The following USP48 variants were observed in gnomAD, a reference collection of about 807,000 sequenced individuals.
USP48 encodes the protein ubiquitin carboxyl-terminal hydrolase 48.
Under a neutral mutation model 150.7 loss-of-function variants are expected in USP48, and 43 were observed. That is an observed-to-expected ratio of 0.29 (90% confidence interval 0.22 to 0.37). The LOEUF is 0.37. USP48 is among the 10% of genes least tolerant of loss of function. The pLI is 1.00. For synonymous variants in USP48, 396 were observed against 425.9 expected (o/e 0.93, Z 0.86); for missense variants, 813 against 1,249.6 (o/e 0.65, Z 5.27).
chr1:21,709,674 C>T (rs1057431597), intron 15 of USP48, among the ~76,000 whole-genome samples: 2 of 151,996 alleles, frequency 1.3e-5, no homozygotes, highest in African/African-American at 4.8e-5. Flanking sequence ...ACAAACTTTA[C>T]TATTAAATGA....
chr1:21,721,171 GGAAC>G lies in USP48; in HGVS notation c.1764-9_1764-6del, dbSNP rs1461275024. 19 of 1,613,754 alleles carry G rather than the reference GGAAC, an allele frequency of 1.2e-5. No homozygotes were observed. Among genetic ancestry groups the G allele is most frequent in the Admixed American group, 5.0e-5 (3 of 59,960 alleles). On this transcript the variant is annotated splice_region_variant and splice_polypyrimidine_tract_variant and intron_variant, in intron 13 of 26. Transcript: ENST00000308271. Reference sequence around the variant, plus strand: ...CCCACCCAAAATCCATCGCTGCTGTGGAACAGAGAGAATGTTAAATCATATAAGT... The same window carrying G: ...CCCACCCAAAATCCATCGCTGCTGTGAGAGAGAATGTTAAATCATATAAGT...
chr1:21,768,853 G>A (rs531050370), intron 1 of USP48, among the ~76,000 whole-genome samples: 79 of 152,128 alleles, frequency 5.2e-4, no homozygotes, highest in Non-Finnish European at 6.3e-4. Context: ...AGGCTGTGGT[G>A]CAGCAGTAAA....
chr1:21,760,913 G>C (rs2097848421), intron 1 of USP48, among the ~76,000 whole-genome samples: 1 of 151,858 alleles, frequency 6.6e-6, no homozygotes, highest in Non-Finnish European at 1.5e-5. Flanking sequence ...GACCAACATG[G>C]AGAAACCCTG....
intron 3 of USP48, among the ~76,000 whole-genome samples, chr1:21,753,414 G>A (rs1009972365): frequency 7.2e-5 from 11 of 151,948 alleles, no homozygotes; most frequent in African/African-American, 2.7e-4. Flanking sequence ...TATTAGCCGG[G>A]TGTGGTGGTG....
chr1:21,781,439 C>CAATA (rs1033971618), intron 1 of USP48, among the ~76,000 whole-genome samples: 3 of 151,212 alleles, frequency 2.0e-5, no homozygotes, highest in Admixed American at 6.6e-5. Context: ...AACACCGTCT[C>CAATA]AATAAATAAA....
chr1:21,778,059 C>G (rs561786990), intron 1 of USP48, among the ~76,000 whole-genome samples: 4 of 150,562 alleles, frequency 2.7e-5, no homozygotes, highest in Non-Finnish European at 5.9e-5. Flanking sequence ...AGGAGAATCG[C>G]TTGAACCTGG....
chr1:21,744,903 A>G (rs1221131534), intron 8 of USP48, among the ~76,000 whole-genome samples: 1 of 151,826 alleles, frequency 6.6e-6, no homozygotes, highest in Non-Finnish European at 1.5e-5. Context: ...AGATGTCTGC[A>G]TATCTGCAGT....
chr1:21,699,216 T>C, intron 22 of USP48, among the ~76,000 whole-genome samples: 1 of 89,214 alleles, frequency 1.1e-5, no homozygotes, highest in East Asian at 3.8e-4. Context: ...TTTTTTTTTT[T>C]GAGGCTGAGT....
Position 21,706,535 on chromosome 1 carries a change from C to T in USP48, c.2143G>A (p.Glu715Lys), listed in dbSNP as rs894982176. ...NEALHKMIAN[E>K]QKTSLPNLFQ... Reference sequence around the variant, plus strand: ...AAATTTGGGAGAGAAGTCTTTTGCTCGTTTGCAATCATCTTATGTAAGGCT... The same window carrying T: ...AAATTTGGGAGAGAAGTCTTTTGCTTGTTTGCAATCATCTTATGTAAGGCT... The change falls in exon 17 of 27, where the codon GAG becomes AAG. Residue 715 changes from glutamate (E) to lysine (K), a missense_variant. Transcript: ENST00000308271. 21 of 1,614,044 alleles carry T rather than the reference C, an allele frequency of 1.3e-5. No individual in the cohort carries two copies. Among genetic ancestry groups the T allele is most frequent in the Admixed American group, 1.7e-5 (1 of 60,002 alleles).
rs763326423 is a variant in USP48 at position 21,706,632 on chromosome 1, C to T, written c.2089-43G>A. ...AATCAACTGTCTCCTGCTGACAGCA[C>T]ATGACCTGCCTCCTCCCTACACCCC... is the stretch of plus-strand genomic sequence containing the variant. On this transcript the variant is annotated intron_variant, in intron 16 of 26. Coordinates refer to ENST00000308271, the MANE Select transcript of USP48 (RefSeq NM_032236.8). The T allele has an allele frequency of 5.6e-6, 9 of 1,613,686 alleles. No individual in the cohort carries two copies. In the Admixed American group the frequency reaches 1.5e-4, roughly 27 times the overall value.
intron 1 of USP48, among the ~76,000 whole-genome samples, chr1:21,760,869 C>G (rs1041822839): frequency 6.6e-6 from 1 of 151,806 alleles, no homozygotes; most frequent in Non-Finnish European, 1.5e-5. Flanking sequence ...CTGAGGCAGG[C>G]GATCACCTGA....
intron 12 of USP48, among the ~76,000 whole-genome samples, chr1:21,722,290 G>A: frequency 6.6e-6 from 1 of 151,694 alleles, no homozygotes; most frequent in East Asian, 1.9e-4. Context: ...ATACCACCAA[G>A]AGCTTTGGGA....
intron 6 of USP48, among the ~76,000 whole-genome samples, chr1:21,748,771 C>T (rs888093610): frequency 2.0e-5 from 3 of 152,152 alleles, no homozygotes; most frequent in African/African-American, 7.2e-5. Context: ...ATTAGCCAGG[C>T]ATGGTGGTAC....
intron 1 of USP48, among the ~76,000 whole-genome samples, chr1:21,763,464 G>C (rs946413255): frequency 6.6e-6 from 1 of 152,182 alleles, no homozygotes; most frequent in Non-Finnish European, 1.5e-5. Context: ...GCCCAATATG[G>C]GGGGGCGGGG....
chr1:21,738,460 G>A (rs563528264), intron 8 of USP48, among the ~76,000 whole-genome samples: 1 of 150,986 alleles, frequency 6.6e-6, no homozygotes, highest in Admixed American at 6.6e-5. Context: ...GGGGTCATGC[G>A]ATTCTCTTGC....
intron 11 of USP48, among the ~76,000 whole-genome samples, chr1:21,726,242 C>A (rs2097736852): frequency 6.6e-6 from 1 of 152,070 alleles, no homozygotes; most frequent in Non-Finnish European, 1.5e-5. Flanking sequence ...GGGATGTCTG[C>A]AGGAATTCAA....
At chr1:21,780,941 C>T (rs1363250228) in intron 1 of USP48, among the ~76,000 whole-genome samples, 1 of 150,872 alleles carries the variant, frequency 6.6e-6, no homozygotes, top group East Asian at 2.0e-4. Context: ...GGGGTTTCAC[C>T]ATGCTGGCCA....
intron 11 of USP48, chr1:21,728,277 G>A (rs1053981200): frequency 2.6e-5 from 29 of 1,105,832 alleles, no homozygotes; most frequent in Non-Finnish European, 3.1e-5. Context: ...TCTTAAACAA[G>A]TTAATATCTC....
At chr1:21,681,648 G>A (rs192043918) in intron 25 of USP48, among the ~76,000 whole-genome samples, 33 of 152,210 alleles carry the variant, frequency 2.2e-4, no homozygotes, top group Admixed American at 5.2e-4. Context: ...CACCTGCCCC[G>A]ACCCATCCTC....
Sources: allele counts gnomAD v4.1 joint callset (sites outside exome capture counted in the v4.1 genomes callset), GRCh38; gene constraint gnomAD v4.1.1; transcripts MANE v1.5; gene names NCBI Gene and HGNC (gene_info 2026-07-23, HGNC 2026-07-21).